Variants in DNAJC12 observed in about 807,000 individuals in gnomAD.
DNAJC12 encodes the protein DnaJ heat shock protein family (Hsp40) member C12.
Under a neutral mutation model 28.5 loss-of-function variants are expected in DNAJC12, and 25 were observed. The observed-to-expected ratio is 0.88, with a 90% CI of 0.64 to 1.22. The LOEUF (loss-of-function observed/expected upper bound fraction) is 1.22, where lower values mean the gene tolerates loss of function less well. Among genes scored for constraint, DNAJC12 ranks in the 50% most tolerant of loss-of-function variants. The probability of loss-of-function intolerance (pLI) is 0.00; values close to 1 mark genes in which losing one functional copy is unlikely to be tolerated. For missense variants in DNAJC12, 222 were observed against 231.7 expected (o/e 0.96, Z 0.27); for synonymous variants, 77 against 80.6 (o/e 0.95, Z 0.24).
At chr10:67,831,007 T>C (rs10823089) in intron 1 of DNAJC12, among the ~76,000 whole-genome samples, 10,685 of 152,178 alleles carry the variant, frequency 0.07, 659 homozygotes, top group East Asian at 0.3. Context: ...ACCAACATGG[T>C]GAAACCTCAT....
chr10:67,811,378 T>A (rs1338245242), intron 3 of DNAJC12, 146 bp downstream of exon 3: 1 of 1,499,060 alleles, frequency 6.7e-7, no homozygotes, highest in Non-Finnish European at 8.9e-7. Context: ...TCATGGGATT[T>A]ACGGACACTG....
chr10:67,804,500 AC>A (rs1448208026), intron 4 of DNAJC12, among the ~76,000 whole-genome samples: 1 of 152,186 alleles, frequency 6.6e-6, no homozygotes, highest in Non-Finnish European at 1.5e-5. Flanking sequence ...AGCTAGGACT[AC>A]AGGTGCACAA....
chr10:67,807,494 A>T (rs79111410), intron 3 of DNAJC12, among the ~76,000 whole-genome samples: 2 of 137,070 alleles, frequency 1.5e-5, no homozygotes, highest in African/African-American at 6.4e-5. Flanking sequence ...AGCTGGTATT[A>T]AAAAAAAAAA....
intron 2 of DNAJC12, among the ~76,000 whole-genome samples, chr10:67,822,258 T>C (rs1335360037): frequency 6.6e-6 from 1 of 152,044 alleles, no homozygotes; most frequent in Non-Finnish European, 1.5e-5. Flanking sequence ...AGGAGAACCA[T>C]GAGTGCATAG....
rs772224696 is a variant in DNAJC12 at position 67,811,611 on chromosome 10, C to CT, written c.209dup (p.Ser71GlufsTer6). 1 of 1,614,086 alleles carries CT rather than the reference C, an allele frequency of 6.2e-7. No homozygotes were observed. Among genetic ancestry groups the CT allele is most frequent in the African/African-American group, 1.3e-5 (1 of 74,942 alleles). The stretch of plus-strand genomic sequence containing the variant: ...GCCAGTGGTCATAGCGGGCTCGACT[C>CT]TCTTCATTGGTCAGAATCTCCTTTG... On this transcript the variant is annotated frameshift_variant, in exon 3 of 5. Coordinates refer to ENST00000225171, the MANE Select transcript of DNAJC12 (RefSeq NM_021800.3). LOFTEE classifies it high-confidence loss of function.
chr10:67,805,834 T>G (rs764134232), intron 3 of DNAJC12, 47 bp from the exon 4 acceptor site: 1 of 1,416,020 alleles, frequency 7.1e-7, no homozygotes, highest in South Asian at 1.5e-5. Flanking sequence ...TGATATTATA[T>G]GATTTTCTAT....
Position 67,801,836 on chromosome 10 carries a change from C to CTTTTTTTTTTTTTTTTTTTT in DNAJC12, c.502+3727_502+3746dup, listed in dbSNP as rs577511924. 1.1e-4 allele frequency among the ~76,000 whole-genome samples: 3 copies of CTTTTTTTTTTTTTTTTTTTT among 26,120 alleles called. 1 individual carries two copies. Among genetic ancestry groups the CTTTTTTTTTTTTTTTTTTTT allele is most frequent in the African/African-American group, 4.0e-4 (3 of 7,586 alleles). The allele number at this position is 26,120 out of a possible 152,430, so 17.1% of individuals were successfully genotyped here. On this transcript the variant is annotated intron_variant, in intron 4 of 4. Transcript: ENST00000225171. ...TGATTCCCATCCCCTCCACTTCATTCTTTTTTTTTTTTTTTTTTTTTTTTT... is the reference window on the plus strand; with the variant it reads ...TGATTCCCATCCCCTCCACTTCATTCTTTTTTTTTTTTTTTTTTTTTTTTTTTTTTTTTTTTTTTTTTTTT...
intron 4 of DNAJC12, among the ~76,000 whole-genome samples, chr10:67,800,095 C>T (rs1841725980): frequency 2.0e-5 from 3 of 151,192 alleles, no homozygotes; most frequent in African/African-American, 7.3e-5. Flanking sequence ...TGGTGGTGCA[C>T]ACCTGCAGTC....
intron 1 of DNAJC12, among the ~76,000 whole-genome samples, chr10:67,834,271 T>C (rs1424474958): frequency 6.6e-6 from 1 of 152,228 alleles, no homozygotes; most frequent in African/African-American, 2.4e-5. Context: ...TCTGTTGTAC[T>C]ATTTTTACAA....
chr10:67,798,610 A>G (rs1014726200), intron 4 of DNAJC12, among the ~76,000 whole-genome samples: 3 of 152,148 alleles, frequency 2.0e-5, no homozygotes, highest in Non-Finnish European at 2.9e-5. Flanking sequence ...TGAGCCCCAG[A>G]GGGGGAGGTT....
chr10:67,810,040 G>A (rs1475222083), intron 3 of DNAJC12, among the ~76,000 whole-genome samples: 1 of 152,114 alleles, frequency 6.6e-6, no homozygotes, highest in East Asian at 1.9e-4. Flanking sequence ...ACGAAAAGAG[G>A]TTTAATTGAC....
At chr10:67,829,536 G>A (rs1163933690) in intron 1 of DNAJC12, among the ~76,000 whole-genome samples, 2 of 152,136 alleles carry the variant, frequency 1.3e-5, no homozygotes, top group Non-Finnish European at 2.9e-5. Flanking sequence ...AGCTACTCCG[G>A]AGGCTGAGGA....
At chr10:67,827,194 C>A (rs983283652) in intron 1 of DNAJC12, among the ~76,000 whole-genome samples, 6 of 150,566 alleles carry the variant, frequency 4.0e-5, no homozygotes, top group African/African-American at 1.2e-4. Context: ...CGAGACCAGC[C>A]TGGCCAACAT....
chr10:67,808,537 A>G (rs540887297), intron 3 of DNAJC12: 4 of 152,210 alleles, frequency 2.6e-5, no homozygotes, highest in Non-Finnish European at 4.4e-5. Context: ...CAAAATTGGA[A>G]TGATACAAAG....
chr10:67,805,756 TC>T lies in DNAJC12; in HGVS notation c.328del (p.Asp110ThrfsTer2). 6.2e-7 allele frequency: 1 copy of T among 1,608,222 alleles called. No homozygotes were observed. The highest frequency in any genetic ancestry group is 8.5e-7 in the Non-Finnish European group (1 of 1,178,486). ...SMHWVVRGKK[D>X]LMLEESDKTH... ...CTTGTCAGATTCTTCCAGCATCAGG[TC>T]TTTTTTACCTCTGACAACCCAGTGC... is the stretch of plus-strand genomic sequence containing the variant. On this transcript the variant is annotated frameshift_variant, in exon 4 of 5. Coordinates refer to ENST00000225171, the MANE Select transcript of DNAJC12 (RefSeq NM_021800.3). LOFTEE classifies it high-confidence loss of function.
chr10:67,831,539 T>C (rs1354376956), intron 1 of DNAJC12, among the ~76,000 whole-genome samples: 1 of 152,194 alleles, frequency 6.6e-6, no homozygotes, highest in Non-Finnish European at 1.5e-5. Context: ...AAATGCCCTG[T>C]CTCTCCCACA....
intron 1 of DNAJC12, among the ~76,000 whole-genome samples, chr10:67,835,385 A>G (rs1842132294): frequency 6.6e-6 from 1 of 152,162 alleles, no homozygotes; most frequent in Non-Finnish European, 1.5e-5. Context: ...TGAAATGAGA[A>G]GCATACCTAT....
intron 4 of DNAJC12, among the ~76,000 whole-genome samples, chr10:67,799,484 T>C (rs1841715771): frequency 6.6e-6 from 1 of 152,228 alleles, no homozygotes; most frequent in Admixed American, 6.5e-5. Context: ...ATATCGATAA[T>C]ACATATTTCT....
intron 2 of DNAJC12, among the ~76,000 whole-genome samples, chr10:67,819,745 A>AGGAG (rs1841960813): frequency 1.6e-4 from 4 of 25,200 alleles, no homozygotes; most frequent in African/African-American, 6.8e-4. Context: ...GAAGGAAGGA[A>AGGAG]GGAAGGAAGG....
Sources: allele counts gnomAD v4.1 joint callset (sites outside exome capture counted in the v4.1 genomes callset), GRCh38; gene constraint gnomAD v4.1.1; transcripts MANE v1.5; gene names NCBI Gene and HGNC (gene_info 2026-07-23, HGNC 2026-07-21).